Variants in DYNC1I1 observed in about 807,000 individuals in gnomAD.
DYNC1I1 encodes the protein dynein cytoplasmic 1 intermediate chain 1.
In DYNC1I1, 43 loss-of-function variants were observed where a neutral mutation model predicts 86.6. The observed-to-expected ratio is 0.50, with a 90% CI of 0.39 to 0.64. The LOEUF is 0.64. Ranked by LOEUF, DYNC1I1 falls within the 30% of genes least tolerant of loss-of-function variation. DYNC1I1 has a pLI of 0.00. For missense variants in DYNC1I1, 604 were observed against 788.8 expected, an observed-to-expected ratio of 0.77 and a Z score of 2.81; for synonymous variants, 262 against 283.7, an observed-to-expected ratio of 0.92 and a Z score of 0.77.
At chr7:95,948,884 G>A (rs907014578) in intron 6 of DYNC1I1, among the ~76,000 whole-genome samples, 1 of 152,290 alleles carries the variant, frequency 6.6e-6, no homozygotes, top group Admixed American at 6.5e-5. Flanking sequence ...TTCTTTAATA[G>A]CAGATAGGCA....
chr7:96,012,897 T>A (rs1044519925), intron 10 of DYNC1I1, among the ~76,000 whole-genome samples: 4 of 152,138 alleles, frequency 2.6e-5, no homozygotes, highest in East Asian at 1.9e-4. Context: ...ATTATTTTTT[T>A]AAATTTTTTC....
At chr7:96,095,831 GA>G (rs756608245) in intron 16 of DYNC1I1, among the ~76,000 whole-genome samples, 52 of 151,598 alleles carry the variant, frequency 3.4e-4, no homozygotes, top group African/African-American at 1.3e-3. Flanking sequence ...TAAAATTGAA[GA>G]AAAAAAATGA....
intron 1 of DYNC1I1, among the ~76,000 whole-genome samples, chr7:95,793,841 T>A (rs1171780421): frequency 6.6e-6 from 1 of 152,192 alleles, no homozygotes; most frequent in Admixed American, 6.5e-5. Context: ...GTGCCCAATG[T>A]GATGCTGAAG....
chr7:95,911,476 G>C (rs562212404), intron 6 of DYNC1I1, among the ~76,000 whole-genome samples: 1 of 152,162 alleles, frequency 6.6e-6, no homozygotes, highest in East Asian at 1.9e-4. Context: ...GAGGTGAGAA[G>C]AAGGAAAGCA....
In DYNC1I1 at chr7:95,919,235, TA is replaced by T. The variant is rs1035144950; in HGVS notation, c.490+49246del. On this transcript the variant is annotated intron_variant, in intron 6 of 16. Transcript: ENST00000447467. ...GGTTACACTATCCCCCTCACAAAAA[TA>T]AAAAAAAACTAGACATAATATTTTG... 5.3e-5 allele frequency among the ~76,000 whole-genome samples: 8 copies of T among 151,528 alleles called. No individual in the cohort carries two copies. The East Asian group carries it at 5.8e-4, about 11-fold the overall frequency.
chr7:95,955,822 T>G (rs1413543110), intron 6 of DYNC1I1, among the ~76,000 whole-genome samples: 1 of 152,218 alleles, frequency 6.6e-6, no homozygotes, highest in Non-Finnish European at 1.5e-5. Context: ...TCATTCACTC[T>G]TAATGCATGT....
At chr7:95,881,670 C>G (rs563955622) in intron 6 of DYNC1I1, among the ~76,000 whole-genome samples, 1 of 152,276 alleles carries the variant, frequency 6.6e-6, no homozygotes, top group South Asian at 2.1e-4. Context: ...GAGGCTCAAG[C>G]TAATTATTTT....
intron 10 of DYNC1I1, among the ~76,000 whole-genome samples, chr7:96,011,627 T>A (rs188250809): frequency 7.9e-5 from 12 of 152,216 alleles, no homozygotes; most frequent in Non-Finnish European, 1.2e-4. Context: ...TCTGTGAATT[T>A]TGTCATTGAT....
chr7:96,028,034 C>G (rs1794722349), intron 10 of DYNC1I1, 141 bp from the exon 11 acceptor site: 4 of 1,258,236 alleles, frequency 3.2e-6, no homozygotes, highest in East Asian at 2.4e-5. Context: ...TAACTATGCA[C>G]TTTTACAGTC....
chr7:95,828,266 G>A (rs1795246624), intron 5 of DYNC1I1, 150 bp downstream of exon 5: 3 of 810,768 alleles, frequency 3.7e-6, no homozygotes, highest in Non-Finnish European at 6.0e-6. Flanking sequence ...TCCTTATAAA[G>A]CTTTGAAGAA....
intron 6 of DYNC1I1, among the ~76,000 whole-genome samples, chr7:95,886,610 C>T (rs140099385): frequency 0.013 from 1,926 of 152,256 alleles, 16 homozygotes; most frequent in Non-Finnish European, 0.018. Context: ...AACCAGACAG[C>T]CAATCTCCTT....
At chr7:96,065,980 G>T (rs59920958) in intron 14 of DYNC1I1, among the ~76,000 whole-genome samples, 7 of 152,168 alleles carry the variant, frequency 4.6e-5, no homozygotes, top group Non-Finnish European at 7.3e-5. Flanking sequence ...TTAGCACATA[G>T]CACATTTATC....
intron 14 of DYNC1I1, among the ~76,000 whole-genome samples, chr7:96,057,979 C>T (rs1404672875): frequency 6.6e-6 from 1 of 152,180 alleles, no homozygotes; most frequent in Non-Finnish European, 1.5e-5. Context: ...TCAGTCCATT[C>T]CTTATTGATG....
chr7:95,905,569 C>G (rs1231696321), intron 6 of DYNC1I1, among the ~76,000 whole-genome samples: 1 of 152,174 alleles, frequency 6.6e-6, no homozygotes, highest in African/African-American at 2.4e-5. Flanking sequence ...ATGTCTCAAA[C>G]TCACGTGGGG....
chr7:95,824,196 C>T (rs960043735), intron 4 of DYNC1I1, among the ~76,000 whole-genome samples: 16 of 151,340 alleles, frequency 1.1e-4, no homozygotes, highest in East Asian at 9.7e-4. Flanking sequence ...TTCGTCGTGT[C>T]GCCCAGGCTG....
intron 6 of DYNC1I1, among the ~76,000 whole-genome samples, chr7:95,926,375 A>C (rs991429833): frequency 1.9e-4 from 29 of 152,024 alleles, no homozygotes; most frequent in Non-Finnish European, 4.1e-4. Flanking sequence ...AATATATTTT[A>C]AGTTAAAAAA....
At chr7:95,969,741 T>TG (rs1793116546) in intron 6 of DYNC1I1, among the ~76,000 whole-genome samples, 1 of 152,160 alleles carries the variant, frequency 6.6e-6, no homozygotes, top group African/African-American at 2.4e-5. Flanking sequence ...TGCAATGCCT[T>TG]GGGTGACATT....
chr7:96,043,533 T>C (rs1406732927), intron 14 of DYNC1I1, among the ~76,000 whole-genome samples: 4 of 135,064 alleles, frequency 3.0e-5, no homozygotes, highest in Middle Eastern at 3.3e-3. Context: ...GTGGAAACAA[T>C]GTATTAAAAA....
intron 14 of DYNC1I1, among the ~76,000 whole-genome samples, chr7:96,039,692 A>T (rs1770950376): frequency 6.6e-6 from 1 of 151,714 alleles, no homozygotes; most frequent in African/African-American, 2.4e-5. Flanking sequence ...ACCTACCCCA[A>T]CCCCAACCCC....
Sources: gnomAD v4.1 joint callset for allele counts (sites outside exome capture counted in the v4.1 genomes callset) on GRCh38, gnomAD v4.1.1 for gene constraint, MANE v1.5 for transcripts, NCBI Gene and HGNC (gene_info 2026-07-23, HGNC 2026-07-21) for gene names.